Variants in KAZN observed in about 807,000 individuals in gnomAD.
KAZN encodes the protein kazrin, periplakin interacting protein.
Under a neutral mutation model 87.4 loss-of-function variants are expected in KAZN, and 40 were observed. That is an observed-to-expected ratio of 0.46 (90% CI 0.36 to 0.60). The LOEUF (loss-of-function observed/expected upper bound fraction) is 0.60. Ranked by LOEUF, KAZN falls within the 20% of genes least tolerant of loss-of-function variation. The pLI is 0.00. For missense variants in KAZN, 898 were observed against 1,073.9 expected, an observed-to-expected ratio of 0.84 and a Z score of 2.29; for synonymous variants, 466 against 458.3, an observed-to-expected ratio of 1.02 and a Z score of -0.22.
intron 2 of KAZN, among the ~76,000 whole-genome samples, chr1:14,251,462 G>A (rs1028905145): frequency 4.6e-5 from 7 of 151,896 alleles, no homozygotes; most frequent in Admixed American, 1.3e-4. Context: ...AGAGGGATAG[G>A]GTCAAAAGTT....
chr1:14,525,335 T>C (rs1046899716), intron 2 of KAZN, among the ~76,000 whole-genome samples: 40 of 152,170 alleles, frequency 2.6e-4, no homozygotes, highest in African/African-American at 9.7e-4. Flanking sequence ...AGAACATAAA[T>C]TACCAACTTT....
At chr1:14,569,421 C>G (rs151329954) in intron 2 of KAZN, among the ~76,000 whole-genome samples, 2,691 of 146,494 alleles carry the variant, frequency 0.018, 82 homozygotes, top group African/African-American at 0.064. Flanking sequence ...CTCCCAGGTT[C>G]ACGCCATTCT....
intron 1 of KAZN, among the ~76,000 whole-genome samples, chr1:14,159,987 C>T (rs1004225897): frequency 1.3e-5 from 2 of 152,174 alleles, no homozygotes; most frequent in Admixed American, 6.5e-5. Flanking sequence ...CAAGACTCTT[C>T]CCTTTCCTCT....
chr1:13,916,764 G>T (rs536290059), intron 1 of KAZN, among the ~76,000 whole-genome samples: 1 of 152,102 alleles, frequency 6.6e-6, no homozygotes, highest in African/African-American at 2.4e-5. Flanking sequence ...TCCACCTGGG[G>T]AGCCACTGAA....
intron 2 of KAZN, among the ~76,000 whole-genome samples, chr1:14,419,221 TGCTGTCATTTTAAAAGTAAGTAAA>T (rs1665131866): frequency 6.6e-6 from 1 of 152,214 alleles, no homozygotes; most frequent in Admixed American, 6.5e-5. Context: ...ACACTGTTCC[TGCTGTCATTTTAAAAGTAAGTAAA>T]CTGAAGCCCA....
At chr1:14,699,001 G>A (rs1641774412) in intron 1 of KAZN, among the ~76,000 whole-genome samples, 1 of 152,020 alleles carries the variant, frequency 6.6e-6, no homozygotes, top group South Asian at 2.1e-4. Flanking sequence ...AATGGCAAGA[G>A]TTGCAGAAGG....
In KAZN at chr1:15,034,832, A is replaced by G; in HGVS notation, c.502A>G (p.Ser168Gly). 1 of 1,613,926 alleles carries G rather than the reference A, an allele frequency of 6.2e-7. No homozygotes were observed. The highest frequency in any genetic ancestry group is 8.5e-7 in the Non-Finnish European group (1 of 1,179,974). The change falls in exon 3 of 15, where the codon AGC becomes GGC. Residue 168 changes from serine (S) to glycine (G), a missense_variant. Around this residue, in one of 3 missense-constraint regions of KAZN, gnomAD observed 250 missense variants for 263.0 expected, o/e 0.95. Transcript: ENST00000376030. ...QMQQLYATLESREEQLRDFIR... is the reference protein window; with the variant it reads ...QMQQLYATLEGREEQLRDFIR... ...GCAGCAGCTGTATGCCACACTGGAG[A>G]GCCGCGAGGAGCAGCTCCGAGACTT...
In KAZN at chr1:14,736,293, GTGTGTGTA is replaced by G. The variant is rs1271870292; in HGVS notation, c.226+137072_226+137079del. On this transcript the variant is annotated intron_variant, in intron 1 of 14. Transcript: ENST00000376030. ...TGTGTGTGTGTGTGTGTGTGTGTGT[GTGTGTGTA>G]TATTTTTTTTTTTTGAGACGGAGTT... 1.5e-3 allele frequency among the ~76,000 whole-genome samples: 205 copies of G among 134,230 alleles called. 2 individuals are homozygous for G. Among genetic ancestry groups the G allele is most frequent in the Middle Eastern group, 3.8e-3 (1 of 260 alleles). 88.1% of individuals were successfully genotyped at this position (134,230 alleles called of 152,430 possible).
At chr1:14,761,047 T>C (rs2100544916) in intron 1 of KAZN, among the ~76,000 whole-genome samples, 1 of 152,242 alleles carries the variant, frequency 6.6e-6, no homozygotes, top group Middle Eastern at 3.4e-3. Flanking sequence ...TGAACACTGG[T>C]CTACAAAACA....
chr1:14,069,071 A>G (rs1379684490), intron 1 of KAZN, among the ~76,000 whole-genome samples: 1 of 152,212 alleles, frequency 6.6e-6, no homozygotes, highest in Non-Finnish European at 1.5e-5. Flanking sequence ...TGTTGGGATT[A>G]CAGGCGTGAG....
At chr1:14,188,713 C>G (rs910681949) in intron 2 of KAZN, among the ~76,000 whole-genome samples, 1 of 152,094 alleles carries the variant, frequency 6.6e-6, no homozygotes, top group Non-Finnish European at 1.5e-5. Flanking sequence ...TATCCATGGG[C>G]AAAGCATTTC....
intron 2 of KAZN, among the ~76,000 whole-genome samples, chr1:14,292,005 G>T (rs1653735679): frequency 6.6e-6 from 1 of 152,060 alleles, no homozygotes; most frequent in Non-Finnish European, 1.5e-5. Context: ...AAATTACCCA[G>T]TCTCGGGTAT....
intron 2 of KAZN, among the ~76,000 whole-genome samples, chr1:14,291,202 C>T (rs1653662546): frequency 6.6e-6 from 1 of 152,206 alleles, no homozygotes; most frequent in Non-Finnish European, 1.5e-5. Flanking sequence ...CTGGGAGAAC[C>T]ACTGCTCTCT....
At chr1:14,795,225 C>T (rs766099726) in intron 1 of KAZN, among the ~76,000 whole-genome samples, 4 of 152,132 alleles carry the variant, frequency 2.6e-5, no homozygotes, top group Non-Finnish European at 5.9e-5. Context: ...TTCATCTATC[C>T]TATTACTTCT....
chr1:14,924,227 C>T (rs1658874644), intron 1 of KAZN: 1 of 980,386 alleles, frequency 1.0e-6, no homozygotes, highest in Middle Eastern at 5.2e-4. Context: ...TGGTCCGGCG[C>T]GCGCCGCCGG....
intron 1 of KAZN, among the ~76,000 whole-genome samples, chr1:14,615,551 G>A (rs891038956): frequency 1.4e-4 from 21 of 152,172 alleles, no homozygotes; most frequent in South Asian, 2.1e-4. Context: ...GCTTGAACCC[G>A]GGAGGCAGAG....
At chr1:14,692,954 G>A (rs1009601017) in intron 1 of KAZN, among the ~76,000 whole-genome samples, 2 of 152,058 alleles carry the variant, frequency 1.3e-5, no homozygotes, top group African/African-American at 4.8e-5. Flanking sequence ...CGAAGGACAG[G>A]CAGAGACACC....
At chr1:14,654,761 C>A (rs1638681437) in intron 1 of KAZN, among the ~76,000 whole-genome samples, 1 of 152,174 alleles carries the variant, frequency 6.6e-6, no homozygotes, top group South Asian at 2.1e-4. Flanking sequence ...CAAGACTGGA[C>A]ATGCTGGCAG....
chr1:14,675,967 T>A (rs983132401), intron 1 of KAZN, among the ~76,000 whole-genome samples: 1 of 152,010 alleles, frequency 6.6e-6, no homozygotes, highest in African/African-American at 2.4e-5. Context: ...CCCCTCCAAG[T>A]CTAAGCACAG....
Sources: allele counts gnomAD v4.1 joint callset (sites outside exome capture counted in the v4.1 genomes callset), GRCh38; gene constraint gnomAD v4.1.1; regional missense constraint gnomAD v4.1.1; transcripts MANE v1.5; gene names NCBI Gene and HGNC (gene_info 2026-07-23, HGNC 2026-07-21).